EYS: variants seen among roughly 807,000 people sequenced by gnomAD.
EYS encodes EGF-like photoreceptor maintenance factor.
In EYS, 250 loss-of-function variants were observed where a neutral mutation model predicts 282.1. The observed-to-expected ratio is 0.89, with a 90% CI of 0.80 to 0.98. The LOEUF is 0.98. EYS is among the 50% of genes least tolerant of loss of function. The pLI is 0.00. For synonymous variants in EYS, 1,355 were observed against 1,282.9 expected (o/e 1.06, Z -1.20); for missense variants, 4,016 against 3,709.0 (o/e 1.08, Z -2.15).
chr6:63,854,501 C>A (rs996946072), intron 36 of EYS, among the ~76,000 whole-genome samples: 2 of 151,734 alleles, frequency 1.3e-5, no homozygotes, highest in Non-Finnish European at 2.9e-5. Context: ...ATACCTAATG[C>A]AAGTGGGGCT....
chr6:65,156,951 G>A (rs1764743729), intron 12 of EYS, among the ~76,000 whole-genome samples: 1 of 150,714 alleles, frequency 6.6e-6, no homozygotes, highest in Non-Finnish European at 1.5e-5. Flanking sequence ...TTCTATTTTA[G>A]CCACTCAATT....
chr6:65,559,645 T>C (rs1582455501), intron 2 of EYS, among the ~76,000 whole-genome samples: 2 of 152,182 alleles, frequency 1.3e-5, no homozygotes, highest in East Asian at 3.9e-4. Flanking sequence ...TTTACTATAG[T>C]TTACATCATC....
intron 12 of EYS, among the ~76,000 whole-genome samples, chr6:65,200,145 T>C (rs1765864679): frequency 6.6e-6 from 1 of 152,124 alleles, no homozygotes; most frequent in East Asian, 1.9e-4. Flanking sequence ...TAAGTGAATG[T>C]TTTGAGTGAA....
intron 12 of EYS, among the ~76,000 whole-genome samples, chr6:65,112,655 A>C (rs958061676): frequency 6.6e-6 from 1 of 152,156 alleles, no homozygotes; most frequent in African/African-American, 2.4e-5. Flanking sequence ...TTAGAAGGAG[A>C]GATTTCCTTA....
At chr6:64,976,203 T>G (rs1770470482) in intron 14 of EYS, among the ~76,000 whole-genome samples, 1 of 152,012 alleles carries the variant, frequency 6.6e-6, no homozygotes, top group Non-Finnish European at 1.5e-5. Flanking sequence ...CTTACATTGT[T>G]CAAATATATT....
chr6:65,154,314 G>A (rs981088185), intron 12 of EYS, among the ~76,000 whole-genome samples: 2 of 151,400 alleles, frequency 1.3e-5, no homozygotes, highest in African/African-American at 4.8e-5. Flanking sequence ...CAAAAGAAAG[G>A]AGCAAAGAAA....
intron 12 of EYS, among the ~76,000 whole-genome samples, chr6:65,144,579 T>C (rs1296337651): frequency 6.6e-6 from 1 of 152,110 alleles, no homozygotes; most frequent in African/African-American, 2.4e-5. Context: ...AAAAACTTAA[T>C]ACAAATTGCA....
intron 35 of EYS, among the ~76,000 whole-genome samples, chr6:63,951,988 G>A (rs995361159): frequency 3.3e-5 from 5 of 152,040 alleles, no homozygotes; most frequent in African/African-American, 4.8e-5. Context: ...TTAGATTCCA[G>A]CCCTCAAACC....
chr6:64,417,844 T>C (rs1360082303), intron 28 of EYS, among the ~76,000 whole-genome samples: 1 of 152,042 alleles, frequency 6.6e-6, no homozygotes, highest in Non-Finnish European at 1.5e-5. Context: ...CTAATTGTTT[T>C]GTATCTTTAG....
Position 65,358,599 on chromosome 6 carries a change from A to AGTGTGTGTGTGTGTGT in EYS, c.1300-4998_1300-4983dup, listed in dbSNP as rs61588307. 1.8e-3 allele frequency among the ~76,000 whole-genome samples: 253 copies of AGTGTGTGTGTGTGTGT among 140,924 alleles called. 2 individuals carry two copies. The highest frequency in any genetic ancestry group is 5.9e-3 in the African/African-American group (216 of 36,894). The allele number at this position is 140,924 out of a possible 152,430, so 92.5% of individuals were successfully genotyped here. On this transcript the variant is annotated intron_variant, in intron 8 of 42. Coordinates refer to ENST00000503581, the MANE Select transcript of EYS (RefSeq NM_001142800.2). ...ATCCTCTGTTGCTGTAGGTTTCTGA[A>AGTGTGTGTGTGTGTGT]GTGTGTGTGTGTGTGTGTGTGTGTG...
chr6:64,749,599 C>G (rs1047318056), intron 22 of EYS, among the ~76,000 whole-genome samples: 1 of 151,840 alleles, frequency 6.6e-6, no homozygotes, highest in South Asian at 2.1e-4. Context: ...AATTCAACGA[C>G]TATTCTAAAA....
chr6:63,832,586 C>T (rs996440130), intron 36 of EYS, among the ~76,000 whole-genome samples: 3 of 152,034 alleles, frequency 2.0e-5, no homozygotes, highest in Admixed American at 6.6e-5. Context: ...AGCCTACCAA[C>T]CCAAAAAAGT....
At chr6:64,614,280 C>T (rs1767198679) in intron 24 of EYS, among the ~76,000 whole-genome samples, 1 of 152,090 alleles carries the variant, frequency 6.6e-6, no homozygotes, top group African/African-American at 2.4e-5. Flanking sequence ...GCATAGCAAA[C>T]ACAGCCTGAC....
intron 12 of EYS, among the ~76,000 whole-genome samples, chr6:65,263,656 C>A (rs2150259904): frequency 6.6e-6 from 1 of 150,784 alleles, no homozygotes; most frequent in Non-Finnish European, 1.5e-5. Context: ...AGCTGATTTA[C>A]AAATAAGGCA....
intron 1 of EYS, among the ~76,000 whole-genome samples, chr6:65,682,829 GTAAAATGGCTT>G (rs1257751606): frequency 6.6e-6 from 1 of 151,836 alleles, no homozygotes; most frequent in Non-Finnish European, 1.5e-5. Context: ...AGAAAAGAAG[GTAAAATGGCTT>G]TAATATGGAG....
intron 41 of EYS, among the ~76,000 whole-genome samples, chr6:63,760,410 G>A (rs1769602294): frequency 6.6e-6 from 1 of 151,994 alleles, no homozygotes; most frequent in South Asian, 2.1e-4. Flanking sequence ...CTTGCAAAAT[G>A]TGTGAACCAG....
intron 22 of EYS, among the ~76,000 whole-genome samples, chr6:64,732,856 A>C (rs1317436201): frequency 6.6e-6 from 1 of 152,182 alleles, no homozygotes; most frequent in East Asian, 1.9e-4. Flanking sequence ...GTTCAGGAGA[A>C]GCCAGAAATT....
chr6:65,492,073 T>C (rs1249262744), intron 4 of EYS, among the ~76,000 whole-genome samples: 1 of 152,202 alleles, frequency 6.6e-6, no homozygotes, highest in Non-Finnish European at 1.5e-5. Flanking sequence ...ATCCAGTCTA[T>C]GGTACTTTGT....
At chr6:64,716,190 C>T (rs992767630) in intron 22 of EYS, among the ~76,000 whole-genome samples, 1 of 152,166 alleles carries the variant, frequency 6.6e-6, no homozygotes, top group Non-Finnish European at 1.5e-5. Context: ...TGTGTAAACT[C>T]ACATTCAGAA....
Sources: allele counts gnomAD v4.1 joint callset (sites outside exome capture counted in the v4.1 genomes callset), GRCh38; gene constraint gnomAD v4.1.1; transcripts MANE v1.5; gene names NCBI Gene and HGNC (gene_info 2026-07-23, HGNC 2026-07-21).